CPNE4: variants seen among roughly 807,000 people sequenced by gnomAD.
CPNE4 encodes copine-4.
CPNE4 carries 25 observed loss-of-function variants against 67.9 expected under a neutral mutation model. The ratio of observed to expected loss-of-function variants is 0.37; its 90% CI spans 0.27 to 0.51. The LOEUF (loss-of-function observed/expected upper bound fraction) is 0.51, where lower values mean the gene tolerates loss of function less well. Among genes scored for constraint, CPNE4 ranks in the 20% least tolerant of loss-of-function variants. The pLI, the probability that CPNE4 is intolerant of heterozygous loss-of-function variation, is 0.93. For missense variants in CPNE4, 464 were observed against 690.8 expected (o/e 0.67, Z 3.68); for synonymous variants, 242 against 244.9 (o/e 0.99, Z 0.11).
chr3:131,542,092 G>T (rs1354073044), intron 15 of CPNE4, among the ~76,000 whole-genome samples: 1 of 152,090 alleles, frequency 6.6e-6, no homozygotes, highest in Non-Finnish European at 1.5e-5. Flanking sequence ...AATATACTTT[G>T]CCAAGGCAAA....
upstream of CPNE4, chr3:132,035,121 C>T (rs1156921030): frequency 3.2e-6 from 3 of 942,616 alleles, no homozygotes; most frequent in Non-Finnish European, 3.8e-6. Flanking sequence ...GGAACCCGAG[C>T]TCAGGCCCCG....
At chr3:131,985,063 C>CACA (rs1176014192) in intron 1 of CPNE4, among the ~76,000 whole-genome samples, 4 of 152,172 alleles carry the variant, frequency 2.6e-5, no homozygotes, top group African/African-American at 9.7e-5. Context: ...TACTGAGAGT[C>CACA]TGCGATCAGG....
At chr3:132,010,678 A>G (rs539962715) in intron 1 of CPNE4, among the ~76,000 whole-genome samples, 3 of 152,194 alleles carry the variant, frequency 2.0e-5, no homozygotes, top group East Asian at 1.9e-4. Flanking sequence ...ATGTTCTCAC[A>G]GTGCATGTAG....
intron 10 of CPNE4, among the ~76,000 whole-genome samples, chr3:131,569,654 A>C (rs1559914168): frequency 7.6e-6 from 1 of 131,990 alleles, no homozygotes; most frequent in Non-Finnish European, 1.6e-5. Flanking sequence ...CAAAAAAAAC[A>C]AAAAAAAACA....
chr3:131,737,510 C>A (rs1284558031), intron 2 of CPNE4, among the ~76,000 whole-genome samples: 1 of 152,060 alleles, frequency 6.6e-6, no homozygotes, highest in Non-Finnish European at 1.5e-5. Flanking sequence ...TGAAATTTCC[C>A]ATCACACTAT....
At chr3:131,740,693 C>T (rs1387405692) in intron 2 of CPNE4, among the ~76,000 whole-genome samples, 28 of 152,200 alleles carry the variant, frequency 1.8e-4, no homozygotes, top group Admixed American at 1.8e-3. Flanking sequence ...AAACTAGTCT[C>T]AATGCAGAAG....
At chr3:131,953,292 CTT>C (rs2071835842) in intron 1 of CPNE4, among the ~76,000 whole-genome samples, 1 of 138,340 alleles carries the variant, frequency 7.2e-6, no homozygotes, top group South Asian at 2.4e-4. Context: ...GCATCCTTGT[CTT>C]TTTCCAGTTC....
At chr3:131,555,211 T>C (rs540336169) in intron 12 of CPNE4, among the ~76,000 whole-genome samples, 37 of 152,116 alleles carry the variant, frequency 2.4e-4, no homozygotes, top group African/African-American at 8.9e-4. Flanking sequence ...GGAGATCAAC[T>C]TCTTGAGTGT....
At chr3:131,850,897 C>T (rs1289815683) in intron 2 of CPNE4, among the ~76,000 whole-genome samples, 4 of 152,056 alleles carry the variant, frequency 2.6e-5, no homozygotes, top group Non-Finnish European at 5.9e-5. Flanking sequence ...CAGAGCTATG[C>T]TCTTAACCAT....
At chr3:131,667,473 T>A (rs1372771418) in intron 7 of CPNE4, among the ~76,000 whole-genome samples, 3 of 151,556 alleles carry the variant, frequency 2.0e-5, no homozygotes, top group Non-Finnish European at 4.4e-5. Flanking sequence ...GTGACGGGGG[T>A]GAAATGCTAC....
intron 2 of CPNE4, among the ~76,000 whole-genome samples, chr3:131,741,206 G>A (rs1020033772): frequency 2.0e-5 from 3 of 152,088 alleles, no homozygotes; most frequent in Non-Finnish European, 4.4e-5. Flanking sequence ...TAAAGTAAAT[G>A]ACAACAGTAT....
intron 2 of CPNE4, among the ~76,000 whole-genome samples, chr3:131,809,980 G>A (rs1025989925): frequency 5.3e-5 from 8 of 151,970 alleles, no homozygotes; most frequent in Admixed American, 5.2e-4. Context: ...AGAGAATAAG[G>A]AGGTAGAAAA....
chr3:131,736,667 G>T (rs1362835100), intron 2 of CPNE4, among the ~76,000 whole-genome samples: 2 of 148,744 alleles, frequency 1.3e-5, no homozygotes, highest in Non-Finnish European at 3.0e-5. Flanking sequence ...TTGAGAGAAA[G>T]CATGGTGGGG....
At chr3:131,842,743 A>G (rs2085838942) in intron 2 of CPNE4, among the ~76,000 whole-genome samples, 2 of 150,302 alleles carry the variant, frequency 1.3e-5, no homozygotes, top group Non-Finnish European at 1.5e-5. Context: ...AAAAAAAAAA[A>G]AAAAAAGAAA....
intron 2 of CPNE4, among the ~76,000 whole-genome samples, chr3:131,876,653 A>AAAAGAAAGAAAG (rs1553794944): frequency 4.4e-4 from 62 of 140,726 alleles, no homozygotes; most frequent in East Asian, 1.7e-3. Context: ...AAAAAAAAAA[A>AAAAGAAAGAAAG]AAAGAAAGAA....
At chr3:131,882,831 C>T (rs1410242433) in intron 2 of CPNE4, among the ~76,000 whole-genome samples, 1 of 151,930 alleles carries the variant, frequency 6.6e-6, no homozygotes, top group Non-Finnish European at 1.5e-5. Context: ...ATTCTCCTGC[C>T]TCAGCCTCCT....
chr3:131,859,904 A>C (rs937463672), intron 2 of CPNE4, among the ~76,000 whole-genome samples: 9 of 152,212 alleles, frequency 5.9e-5, no homozygotes, highest in African/African-American at 1.7e-4. Context: ...AACCCAATAG[A>C]TCATAGGCCA....
chr3:131,634,313 A>C (rs975554948), intron 7 of CPNE4, among the ~76,000 whole-genome samples: 1 of 152,218 alleles, frequency 6.6e-6, no homozygotes, highest in African/African-American at 2.4e-5. Context: ...CATAAATGCC[A>C]AGATTGGCAA....
intron 1 of CPNE4, among the ~76,000 whole-genome samples, chr3:131,919,047 G>C (rs1352966690): frequency 6.6e-6 from 1 of 152,154 alleles, no homozygotes; most frequent in African/African-American, 2.4e-5. Flanking sequence ...ACTGGGTGCT[G>C]AGCTTGTGGT....
Sources: allele counts gnomAD v4.1 joint callset (sites outside exome capture counted in the v4.1 genomes callset), GRCh38; gene constraint gnomAD v4.1.1; transcripts MANE v1.5; gene names NCBI Gene and HGNC (gene_info 2026-07-23, HGNC 2026-07-21).